Variants in SLC38A12 observed in about 807,000 individuals in gnomAD.
SLC38A12 encodes the protein solute carrier family 38 member 12, also known as putative sodium-coupled neutral amino acid transporter 12.
the SLC38A12 span, chr17:74,795,438 C>CAG: frequency 1.7e-6 from 2 of 1,172,406 alleles, no homozygotes; most frequent in Non-Finnish European, 2.4e-6. Context: ...GGCGCTCAGG[C>CAG]AGCTGTGCAG....
At chr17:74,779,814 C>A in the SLC38A12 span, among the ~76,000 whole-genome samples, 1 of 152,228 alleles carries the variant, frequency 6.6e-6, no homozygotes, top group African/African-American at 2.4e-5. Flanking sequence ...ATTTTGAGTT[C>A]TTTTCCCCTT....
At chr17:74,787,908 C>T in the SLC38A12 span, among the ~76,000 whole-genome samples, 580 of 152,006 alleles carry the variant, frequency 3.8e-3, 3 homozygotes, top group Non-Finnish European at 5.6e-3. Flanking sequence ...ATTCTCCTGC[C>T]TCAGCCTCCC....
At chr17:74,795,060 A>G in the SLC38A12 span, 5 of 1,613,738 alleles carry the variant, frequency 3.1e-6, no homozygotes, top group Admixed American at 1.7e-5. Flanking sequence ...CTGTATGGAG[A>G]CCTCGCCATC....
chr17:74,785,195 G>A, the SLC38A12 span, among the ~76,000 whole-genome samples: 3 of 152,206 alleles, frequency 2.0e-5, no homozygotes, highest in African/African-American at 4.8e-5. Flanking sequence ...TAGCATCTGC[G>A]ATGCAGCTTT....
At chr17:74,791,116 G>T in the SLC38A12 span, 4 of 1,274,794 alleles carry the variant, frequency 3.1e-6, no homozygotes, top group Non-Finnish European at 3.4e-6. Context: ...TGTAATGAGG[G>T]CTCCACCCTG....
At chr17:74,821,598 TCCAC>T in the SLC38A12 span, among the ~76,000 whole-genome samples, 1 of 152,224 alleles carries the variant, frequency 6.6e-6, no homozygotes, top group Non-Finnish European at 1.5e-5. Context: ...GGCTCAGCCG[TCCAC>T]CCTTCCTATT....
the SLC38A12 span, chr17:74,838,271 C>T: frequency 1.0e-6 from 1 of 985,838 alleles, no homozygotes; most frequent in Non-Finnish European, 1.2e-6. Flanking sequence ...AATGCCCCTT[C>T]TCCATCTATC....
the SLC38A12 span, among the ~76,000 whole-genome samples, chr17:74,785,153 C>A: frequency 1.2e-4 from 18 of 151,978 alleles, no homozygotes; most frequent in Non-Finnish European, 2.4e-4. Context: ...GCTCTGTCCC[C>A]GGGAAGCCTA....
the SLC38A12 span, among the ~76,000 whole-genome samples, chr17:74,828,673 C>A: frequency 1.3e-5 from 2 of 152,186 alleles, no homozygotes; most frequent in African/African-American, 4.8e-5. Flanking sequence ...CAGTGCCTCC[C>A]TCACCAGATC....
the SLC38A12 span, chr17:74,777,425 T>A: frequency 1.2e-6 from 2 of 1,612,918 alleles, no homozygotes; most frequent in Non-Finnish European, 1.7e-6. Context: ...TCCTGGCTTC[T>A]AGAAAAGCAC....
the SLC38A12 span, among the ~76,000 whole-genome samples, chr17:74,828,790 TC>T: frequency 6.6e-6 from 1 of 152,100 alleles, no homozygotes; most frequent in African/African-American, 2.4e-5. Context: ...GTCTTCAGCG[TC>T]CCCATGCAAA....
chr17:74,793,468 G>T, the SLC38A12 span, among the ~76,000 whole-genome samples: 1 of 152,204 alleles, frequency 6.6e-6, no homozygotes, highest in Non-Finnish European at 1.5e-5. Context: ...TCTATAGGAG[G>T]CTCCCTTAGG....
At chr17:74,782,193 G>A in the SLC38A12 span, among the ~76,000 whole-genome samples, 27 of 152,114 alleles carry the variant, frequency 1.8e-4, no homozygotes, top group Admixed American at 7.9e-4. Flanking sequence ...TCAGCCTCCC[G>A]AGTAGCTGGG....
chr17:74,795,464 T>A, the SLC38A12 span: 1 of 1,489,708 alleles, frequency 6.7e-7, no homozygotes. Context: ...GGCTTCTGTC[T>A]CCCCCAGCCC....
chr17:74,835,860 C>G, the SLC38A12 span: 1 of 1,522,828 alleles, frequency 6.6e-7, no homozygotes, highest in South Asian at 1.3e-5. Context: ...AGGCGCCCCC[C>G]AGACCAGAAA....
chr17:74,837,110 G>A, the SLC38A12 span: 3 of 993,402 alleles, frequency 3.0e-6, no homozygotes, highest in South Asian at 1.4e-4. Context: ...CTGCGTCCTT[G>A]TCTAAGAAAC....
the SLC38A12 span, among the ~76,000 whole-genome samples, chr17:74,784,288 C>G: frequency 6.6e-6 from 1 of 152,046 alleles, no homozygotes; most frequent in Admixed American, 6.6e-5. Context: ...TACAGGAAGA[C>G]CAGTTAGGAG....
At chr17:74,777,288 C>G in the SLC38A12 span, 8 of 1,613,150 alleles carry the variant, frequency 5.0e-6, no homozygotes, top group Admixed American at 6.7e-5. Context: ...GCCGTCCTTG[C>G]ACCTAAGGAA....
the SLC38A12 span, chr17:74,777,655 C>G: frequency 2.3e-5 from 32 of 1,366,604 alleles, 1 homozygote; most frequent in Admixed American, 8.8e-5. Flanking sequence ...CACGGTGGCT[C>G]ACGCCTGTAA....
Sources: gnomAD v4.1 joint callset for allele counts (sites outside exome capture counted in the v4.1 genomes callset) on GRCh38, gnomAD v4.1.1 for gene constraint, MANE v1.5 for transcripts, NCBI Gene and HGNC (gene_info 2026-07-23, HGNC 2026-07-21) for gene names.